The following SLC7A1 variants were observed in gnomAD, a reference collection of about 807,000 sequenced individuals.
SLC7A1 encodes solute carrier family 7 member 1.
SLC7A1 carries 10 observed loss-of-function variants against 53.9 expected under a neutral mutation model. That is an observed-to-expected ratio of 0.19 (90% confidence interval 0.11 to 0.31). The LOEUF is 0.31. Among genes scored for constraint, SLC7A1 ranks in the 10% least tolerant of loss-of-function variants. The pLI is 1.00. For missense variants in SLC7A1, 525 were observed against 827.2 expected (o/e 0.63, Z 4.48); for synonymous variants, 342 against 338.7 (o/e 1.01, Z -0.11).
At position 29,537,230 on chromosome 13, in the gene SLC7A1, G is replaced by A. The variant is rs562167001; in HGVS notation, c.-14-1028C>T. The stretch of plus-strand genomic sequence containing the variant: ...GAGAAACCCGAGGACCACCGCCTGC[G>A]GCAGGTGACCGAGGCCAATAACAGT... On this transcript the variant is annotated intron_variant, in intron 2 of 12. Coordinates refer to ENST00000380752, the MANE Select transcript of SLC7A1 (RefSeq NM_003045.5). Among the ~76,000 whole-genome samples, 18 of 152,366 alleles carry A rather than the reference G, an allele frequency of 1.2e-4. 1 individual carries two copies. In the South Asian group the frequency reaches 3.5e-3, roughly 30 times the overall value.
intron 1 of SLC7A1, among the ~76,000 whole-genome samples, chr13:29,592,803 C>G (rs1162308559): frequency 1.3e-5 from 2 of 152,148 alleles, no homozygotes; most frequent in Non-Finnish European, 1.5e-5. Context: ...GATGCCTCCC[C>G]ACCCGAGGCC....
At chr13:29,522,292 A>G in intron 8 of SLC7A1, 25 bp downstream of exon 8, 2 of 1,612,446 alleles carry the variant, frequency 1.2e-6, no homozygotes, top group Non-Finnish European at 1.7e-6. Flanking sequence ...AAACATTTCC[A>G]TGTGAAATGA....
At chr13:29,526,925 C>T (rs78955320) in intron 5 of SLC7A1, among the ~76,000 whole-genome samples, 2,589 of 152,244 alleles carry the variant, frequency 0.017, 68 homozygotes, top group African/African-American at 0.058. Context: ...CGTGAGCATC[C>T]GTAAACCTCC....
chr13:29,585,214 C>A (rs527727934), intron 1 of SLC7A1, among the ~76,000 whole-genome samples: 10 of 152,268 alleles, frequency 6.6e-5, no homozygotes, highest in Non-Finnish European at 1.3e-4. Flanking sequence ...AAAAAGAAAC[C>A]TTGACTCTTC....
intron 1 of SLC7A1, among the ~76,000 whole-genome samples, chr13:29,595,074 G>A (rs1872254959): frequency 6.6e-6 from 1 of 152,116 alleles, no homozygotes. Context: ...ACCACCCCGT[G>A]CGTAGCGGCG....
At chr13:29,561,997 C>T (rs1320340939) in intron 1 of SLC7A1, among the ~76,000 whole-genome samples, 2 of 152,240 alleles carry the variant, frequency 1.3e-5, no homozygotes, top group Non-Finnish European at 2.9e-5. Context: ...TGCAGTAATA[C>T]AGAGTAATGG....
intron 1 of SLC7A1, among the ~76,000 whole-genome samples, chr13:29,589,322 G>A (rs1011022612): frequency 1.3e-5 from 2 of 152,264 alleles, no homozygotes; most frequent in African/African-American, 4.8e-5. Context: ...CTCCCCAGGT[G>A]GAGATGGAGG....
In SLC7A1 at chr13:29,516,254, GAC is replaced by G; in HGVS notation, c.1678-10_1678-9del. The stretch of plus-strand genomic sequence containing the variant: ...CACTGGCAGGAAGGGAACCTGAAGA[GAC>G]AGGAGGTGGCTTCAATCCATGGCAG... On this transcript the variant is annotated splice_polypyrimidine_tract_variant and intron_variant, in intron 11 of 12. Transcript: ENST00000380752. 1 of 1,595,100 alleles carries G rather than the reference GAC, an allele frequency of 6.3e-7. No individual in the cohort carries two copies. Among genetic ancestry groups the G allele is most frequent in the Non-Finnish European group, 8.6e-7 (1 of 1,164,516 alleles).
intron 2 of SLC7A1, among the ~76,000 whole-genome samples, chr13:29,537,578 T>C (rs942377352): frequency 5.3e-5 from 8 of 152,178 alleles, no homozygotes; most frequent in African/African-American, 1.9e-4. Flanking sequence ...ACATCAATAT[T>C]GATTGTAACC....
chr13:29,557,473 C>A (rs961872744), intron 1 of SLC7A1, among the ~76,000 whole-genome samples: 1 of 152,102 alleles, frequency 6.6e-6, no homozygotes, highest in Non-Finnish European at 1.5e-5. Context: ...AGCCTACAAA[C>A]CTGTACAGCA....
Position 29,510,585 on chromosome 13 carries a change from T to C in SLC7A1, c.*3895A>G, listed in dbSNP as rs576824315. 1 of 152,256 alleles carries C rather than the reference T, an allele frequency of 6.6e-6. No homozygotes were observed. Among genetic ancestry groups the C allele is most frequent in the Non-Finnish European group, 1.5e-5 (1 of 68,054 alleles). 9.4% of individuals were successfully genotyped at this position (152,256 alleles called of 1,614,324 possible). A position where few individuals can be genotyped will look rare whatever the true frequency, so the allele number is the denominator to read the frequency against. ...AGGCGAACTCTGCATCAGTTCCACA[T>C]ATAAGCCTCACGCCCCCACCACCCT... is the stretch of plus-strand genomic sequence containing the variant. On this transcript the variant is annotated 3_prime_UTR_variant, in exon 13 of 13. Coordinates refer to ENST00000380752, the MANE Select transcript of SLC7A1 (RefSeq NM_003045.5).
intron 4 of SLC7A1, among the ~76,000 whole-genome samples, chr13:29,531,337 A>G (rs868710076): frequency 1.2e-5 from 1 of 83,166 alleles, no homozygotes; most frequent in East Asian, 2.2e-4. Flanking sequence ...AAAGAAAACT[A>G]TAAGTAATAA....
chr13:29,523,421 G>A lies in SLC7A1; in HGVS notation c.894C>T (p.Phe298=). 1.9e-6 allele frequency: 3 copies of A among 1,614,002 alleles called. No homozygotes were observed. The highest frequency in any genetic ancestry group is 2.2e-5 in the South Asian group (2 of 91,070). Residue 298 remains phenylalanine, a synonymous_variant, in exon 7 of 13, where the codon TTC becomes TTT. Coordinates refer to ENST00000380752, the MANE Select transcript of SLC7A1 (RefSeq NM_003045.5). ...VGIVASLLIC[F]IAYFGVSAAL... Reference sequence around the variant, plus strand: ...CAGCCGACACCCCAAAGTAGGCGATGAAGCAGATCAAGAGGGACGCCACGA... The same window carrying A: ...CAGCCGACACCCCAAAGTAGGCGATAAAGCAGATCAAGAGGGACGCCACGA...
rs541860320 is a variant in SLC7A1, at chr13:29,518,021, A to C, written c.1293-231T>G. On this transcript the variant is annotated intron_variant, in intron 9 of 12. Coordinates refer to ENST00000380752, the MANE Select transcript of SLC7A1 (RefSeq NM_003045.5). ...ATGGTCTCTCCTTCGGGGCGACATG[A>C]CCTCCACCATGAGCAGCCCAGAGGA... Among the ~76,000 whole-genome samples the C allele has an allele frequency of 2.0e-5, 3 of 152,258 alleles. No individual in the cohort carries two copies. In the East Asian group the frequency reaches 5.8e-4, roughly 29 times the overall value.
At chr13:29,544,274 G>A (rs540110662) in intron 2 of SLC7A1, among the ~76,000 whole-genome samples, 2 of 152,188 alleles carry the variant, frequency 1.3e-5, no homozygotes, top group African/African-American at 4.8e-5. Context: ...CAATGAGTAC[G>A]TATGTGGGTG....
At chr13:29,583,744 C>G (rs1871754102) in intron 1 of SLC7A1, among the ~76,000 whole-genome samples, 1 of 152,188 alleles carries the variant, frequency 6.6e-6, no homozygotes, top group African/African-American at 2.4e-5. Context: ...CAAATTAGAT[C>G]TGATAATTTT....
At position 29,559,768 on chromosome 13, in the gene SLC7A1, T is replaced by G. The variant is rs866132541; in HGVS notation, c.-114-5908A>C. Among the ~76,000 whole-genome samples the G allele has an allele frequency of 3.3e-3, 500 of 151,644 alleles. 2 individuals carry two copies. The highest frequency in any genetic ancestry group is 0.011 in the African/African-American group (471 of 41,296). Reference sequence around the variant, plus strand: ...TCTCGCTCTGTCGCTCAGGCTGGAGTGCAGTGGCGCGATCTCGGCTCACTG... The same window carrying G: ...TCTCGCTCTGTCGCTCAGGCTGGAGGGCAGTGGCGCGATCTCGGCTCACTG... On this transcript the variant is annotated intron_variant, in intron 1 of 12. Transcript: ENST00000380752.
intron 12 of SLC7A1, among the ~76,000 whole-genome samples, chr13:29,515,587 A>C (rs1405133239): frequency 6.6e-6 from 1 of 152,214 alleles, no homozygotes; most frequent in Non-Finnish European, 1.5e-5. Context: ...TCAGATGCTG[A>C]GGGGAAGGAA....
chr13:29,521,002 T>G (rs1593540646), intron 8 of SLC7A1, among the ~76,000 whole-genome samples: 1 of 152,208 alleles, frequency 6.6e-6, no homozygotes, highest in East Asian at 1.9e-4. Flanking sequence ...TGATTTGATC[T>G]CCCTCTATCA....
Sources: allele counts gnomAD v4.1 joint callset (sites outside exome capture counted in the v4.1 genomes callset), GRCh38; gene constraint gnomAD v4.1.1; transcripts MANE v1.5; gene names NCBI Gene and HGNC (gene_info 2026-07-23, HGNC 2026-07-21).